Variants in PKIB observed in about 807,000 individuals in gnomAD.
PKIB encodes cAMP-dependent protein kinase inhibitor beta.
PKIB carries 2 observed loss-of-function variants against 4.5 expected under a neutral mutation model. The observed-to-expected ratio is 0.44, with a 90% CI of 0.18 to 1.39. The LOEUF (loss-of-function observed/expected upper bound fraction) is 1.39, where lower values mean the gene tolerates loss of function less well. Ranked by LOEUF, PKIB falls within the 40% of genes most tolerant of loss-of-function variation. The probability of loss-of-function intolerance (pLI) is 0.27; values close to 1 mark genes in which losing one functional copy is unlikely to be tolerated. For missense variants in PKIB, 94 were observed against 92.6 expected (o/e 1.02, Z -0.06); for synonymous variants, 38 against 36.0 (o/e 1.06, Z -0.20).
At chr6:122,547,618 G>A (rs1367808001) in intron 2 of PKIB, among the ~76,000 whole-genome samples, 2 of 151,052 alleles carry the variant, frequency 1.3e-5, no homozygotes, top group African/African-American at 2.5e-5. Context: ...GATTACAGGC[G>A]TGAGCCACCG....
chr6:122,509,227 C>T (rs1355178602), intron 2 of PKIB, among the ~76,000 whole-genome samples: 1 of 151,828 alleles, frequency 6.6e-6, no homozygotes, highest in Non-Finnish European at 1.5e-5. Flanking sequence ...TTGGAAGAAC[C>T]CATGTAGTTA....
chr6:122,643,241 A>G (rs562267031), intron 2 of PKIB: 1 of 152,270 alleles, frequency 6.6e-6, no homozygotes, highest in South Asian at 2.1e-4. Context: ...CAATTGTTTG[A>G]TTTTGAGATT....
chr6:122,536,963 A>G (rs1348362151), intron 2 of PKIB, among the ~76,000 whole-genome samples: 3 of 151,348 alleles, frequency 2.0e-5, no homozygotes, highest in African/African-American at 7.3e-5. Flanking sequence ...TGCCTGCTAG[A>G]AAAAAAATCC....
intron 2 of PKIB, among the ~76,000 whole-genome samples, chr6:122,570,797 C>G (rs1181026675): frequency 6.6e-6 from 1 of 151,658 alleles, no homozygotes; most frequent in East Asian, 1.9e-4. Flanking sequence ...AAAGTCTATC[C>G]AAATGAAAAG....
intron 2 of PKIB, among the ~76,000 whole-genome samples, chr6:122,488,398 C>T (rs1282346609): frequency 6.6e-6 from 1 of 152,030 alleles, no homozygotes; most frequent in Admixed American, 6.6e-5. Flanking sequence ...CTGTCTTTTA[C>T]TTTTTCCCTT....
At chr6:122,663,938 TC>T (rs1777114321) in intron 2 of PKIB, among the ~76,000 whole-genome samples, 1 of 152,200 alleles carries the variant, frequency 6.6e-6, no homozygotes, top group Non-Finnish European at 1.5e-5. Flanking sequence ...GTGGGTGGAA[TC>T]ATTCTACTGA....
intron 2 of PKIB, among the ~76,000 whole-genome samples, chr6:122,493,647 G>A (rs1775998112): frequency 1.3e-5 from 2 of 152,184 alleles, no homozygotes; most frequent in African/African-American, 4.8e-5. Context: ...TTGTCTGAGA[G>A]TCTATTTTGT....
rs183650284 is a variant in PKIB, at chr6:122,518,588, C to T, written c.-248+40649C>T. ...GTGGCAATGGGAGAGCTGGAGGTCA[C>T]GCCTTCCAAGCAGGAGGTAAAGCAC... On this transcript the variant is annotated intron_variant, in intron 2 of 6. Coordinates refer to the PKIB transcript ENST00000392491. 2.7e-3 allele frequency among the ~76,000 whole-genome samples: 416 copies of T among 151,910 alleles called. 1 individual carries two copies. Among genetic ancestry groups the T allele is most frequent in the African/African-American group, 9.7e-3 (400 of 41,434 alleles).
At chr6:122,589,095 C>T (rs1348152791) in intron 3 of PKIB, among the ~76,000 whole-genome samples, 1 of 152,100 alleles carries the variant, frequency 6.6e-6, no homozygotes, top group African/African-American at 2.4e-5. Flanking sequence ...ATGCCACAAC[C>T]TAGAAATTTT....
At chr6:122,544,150 A>G (rs2114643027) in intron 2 of PKIB, among the ~76,000 whole-genome samples, 1 of 152,074 alleles carries the variant, frequency 6.6e-6, no homozygotes, top group South Asian at 2.1e-4. Context: ...ACGCTTTAAA[A>G]TACAAAGAAA....
intron 2 of PKIB, among the ~76,000 whole-genome samples, chr6:122,485,528 G>A (rs150042136): frequency 6.6e-6 from 1 of 152,290 alleles, no homozygotes; most frequent in Non-Finnish European, 1.5e-5. Flanking sequence ...GAATAATTAG[G>A]CTTCAGGATA....
chr6:122,553,789 A>G (rs1772760395), intron 2 of PKIB, among the ~76,000 whole-genome samples: 1 of 152,142 alleles, frequency 6.6e-6, no homozygotes. Flanking sequence ...AGATTTCAGG[A>G]AAGGGAAAAA....
At chr6:122,586,408 T>G (rs890093036) in intron 3 of PKIB, among the ~76,000 whole-genome samples, 3 of 152,192 alleles carry the variant, frequency 2.0e-5, no homozygotes, top group Admixed American at 2.0e-4. Flanking sequence ...GACTGATAAT[T>G]CCACATTACA....
chr6:122,699,569 G>A (rs1778714389), intron 3 of PKIB, among the ~76,000 whole-genome samples: 1 of 152,098 alleles, frequency 6.6e-6, no homozygotes, highest in East Asian at 1.9e-4. Flanking sequence ...GTTGTTAAAT[G>A]GAGAAGCAGT....
At chr6:122,693,391 T>C (rs961926098) in intron 3 of PKIB, among the ~76,000 whole-genome samples, 1 of 152,216 alleles carries the variant, frequency 6.6e-6, no homozygotes, top group African/African-American at 2.4e-5. Context: ...AGCTTTTTAG[T>C]ATTTTCTTCA....
At chr6:122,680,761 G>A (rs116159852) in intron 3 of PKIB, among the ~76,000 whole-genome samples, 7 of 152,098 alleles carry the variant, frequency 4.6e-5, no homozygotes, top group African/African-American at 1.4e-4. Context: ...TACTGCAATT[G>A]CCTCCTAACT....
chr6:122,488,751 C>T (rs1261127994), intron 2 of PKIB, among the ~76,000 whole-genome samples: 7 of 152,176 alleles, frequency 4.6e-5, no homozygotes, highest in Non-Finnish European at 1.0e-4. Flanking sequence ...ACTACGTCTG[C>T]TCACTGCTCC....
At chr6:122,539,216 A>G (rs1777508293) in intron 2 of PKIB, among the ~76,000 whole-genome samples, 1 of 152,006 alleles carries the variant, frequency 6.6e-6, no homozygotes, top group Non-Finnish European at 1.5e-5. Flanking sequence ...TTCCAACACT[A>G]TGTTGAATAG....
chr6:122,612,148 T>C (rs982187607), intron 1 of PKIB, among the ~76,000 whole-genome samples: 4 of 152,208 alleles, frequency 2.6e-5, no homozygotes, highest in South Asian at 2.1e-4. Flanking sequence ...TTTAGATCAA[T>C]GATAGATCAA....
Sources: allele counts gnomAD v4.1 joint callset (sites outside exome capture counted in the v4.1 genomes callset), GRCh38; gene constraint gnomAD v4.1.1; transcripts MANE v1.5; gene names NCBI Gene and HGNC (gene_info 2026-07-23, HGNC 2026-07-21).